KCTD1: variants seen among roughly 807,000 people sequenced by gnomAD.
KCTD1 encodes the protein BTB/POZ domain-containing protein KCTD1.
Under a neutral mutation model 66.0 loss-of-function variants are expected in KCTD1, and 24 were observed. The observed-to-expected ratio is 0.36, with a 90% CI of 0.26 to 0.51. KCTD1 has a LOEUF of 0.51. Among genes scored for constraint, KCTD1 ranks in the 20% least tolerant of loss-of-function variants. The pLI, the probability that KCTD1 is intolerant of heterozygous loss-of-function variation, is 0.95. For missense variants in KCTD1, 943 were observed against 1,205.2 expected (o/e 0.78, Z 3.22); for synonymous variants, 511 against 517.2 (o/e 0.99, Z 0.16).
At chr18:26,552,198 C>T (rs2144858834), upstream of KCTD1, among the ~76,000 whole-genome samples, 1 of 152,242 alleles carries the variant, frequency 6.6e-6, no homozygotes, top group African/African-American at 2.4e-5. Context: ...CCAAATGTTT[C>T]CCCCTCGATT....
At chr18:26,574,171 A>C (rs1394412674) in intron 1 of KCTD1, among the ~76,000 whole-genome samples, 2 of 152,224 alleles carry the variant, frequency 1.3e-5, no homozygotes, top group African/African-American at 4.8e-5. Context: ...AAAAAATAAA[A>C]CAGCTTTTTA....
At chr18:26,573,692 C>T (rs1986161213) in intron 1 of KCTD1, among the ~76,000 whole-genome samples, 1 of 152,104 alleles carries the variant, frequency 6.6e-6, no homozygotes. Flanking sequence ...AAAGTTCTGC[C>T]CAAAGCAAGG....
At chr18:26,574,312 T>A (rs1219328858) in intron 1 of KCTD1, among the ~76,000 whole-genome samples, 5 of 152,250 alleles carry the variant, frequency 3.3e-5, no homozygotes, top group African/African-American at 1.2e-4. Context: ...ATATTTGTTC[T>A]AAATATTAGC....
chr18:26,645,850 C>A (rs1396591414), intron 1 of KCTD1, among the ~76,000 whole-genome samples: 4 of 152,152 alleles, frequency 2.6e-5, no homozygotes, highest in African/African-American at 9.7e-5. Context: ...CACCCTAGAC[C>A]TATCTAATTG....
chr18:26,594,572 C>G (rs756578418), intron 1 of KCTD1, among the ~76,000 whole-genome samples: 2 of 152,142 alleles, frequency 1.3e-5, no homozygotes, highest in African/African-American at 2.4e-5. Flanking sequence ...AGCACAAATG[C>G]GTTGCAATCA....
intron 1 of KCTD1, among the ~76,000 whole-genome samples, chr18:26,634,278 T>C (rs1598977255): frequency 6.6e-6 from 1 of 152,164 alleles, no homozygotes. Flanking sequence ...AAGGAAAGAA[T>C]AGAGTTACAC....
chr18:26,545,682 C>A (rs1036003310), intron 1 of KCTD1: 4 of 151,948 alleles, frequency 2.6e-5, no homozygotes, highest in African/African-American at 9.7e-5. Flanking sequence ...GAATAGAACA[C>A]AGTGTCCAAA....
At chr18:26,635,262 A>C (rs1251253005) in intron 1 of KCTD1, among the ~76,000 whole-genome samples, 4 of 152,224 alleles carry the variant, frequency 2.6e-5, no homozygotes, top group Non-Finnish European at 5.9e-5. Flanking sequence ...TGCATCTCAA[A>C]GGCTGTTTTC....
intron 1 of KCTD1, among the ~76,000 whole-genome samples, chr18:26,599,113 G>A (rs1364591233): frequency 6.6e-6 from 1 of 152,094 alleles, no homozygotes; most frequent in African/African-American, 2.4e-5. Context: ...TCTTCTAAGA[G>A]TTTTACTATC....
chr18:26,643,022 C>T (rs1266293517), upstream of KCTD1, among the ~76,000 whole-genome samples: 1 of 152,088 alleles, frequency 6.6e-6, no homozygotes, highest in Non-Finnish European at 1.5e-5. Context: ...TTAGTGAGTT[C>T]AGGCTGCCAT....
At chr18:26,614,970 T>C (rs1987218102) in intron 1 of KCTD1, among the ~76,000 whole-genome samples, 1 of 152,246 alleles carries the variant, frequency 6.6e-6, no homozygotes. Context: ...CAGCTTGCCT[T>C]CATTTATGTT....
chr18:26,628,045 C>A (rs181084137), intron 1 of KCTD1, among the ~76,000 whole-genome samples: 3 of 152,292 alleles, frequency 2.0e-5, no homozygotes, highest in Non-Finnish European at 2.9e-5. Context: ...AAAATTATAA[C>A]CTTCCCTGGG....
At chr18:26,605,069 T>C (rs1986982023) in intron 1 of KCTD1, among the ~76,000 whole-genome samples, 1 of 151,820 alleles carries the variant, frequency 6.6e-6, no homozygotes, top group African/African-American at 2.4e-5. Flanking sequence ...GGCAATAGGG[T>C]AGAGAAGGAA....
chr18:26,487,878 G>T (rs1479770477), intron 2 of KCTD1, among the ~76,000 whole-genome samples: 1 of 152,144 alleles, frequency 6.6e-6, no homozygotes, highest in Admixed American at 6.5e-5. Flanking sequence ...AGAAATAAAA[G>T]TTTCCCAGCT....
intron 2 of KCTD1, among the ~76,000 whole-genome samples, chr18:26,497,455 G>A (rs1982537090): frequency 6.6e-6 from 1 of 152,116 alleles, no homozygotes; most frequent in African/African-American, 2.4e-5. Context: ...AATGTCCTTG[G>A]ATTTATCCAA....
chr18:26,616,700 A>AAAC lies in KCTD1; in HGVS notation c.-16+12446_-16+12447insGTT, dbSNP rs1555647345. Among the ~76,000 whole-genome samples the AAAC allele has an allele frequency of 1.9e-4, 28 of 150,716 alleles. No homozygotes were observed. In the South Asian group the frequency reaches 4.6e-3, roughly 25 times the overall value. The stretch of plus-strand genomic sequence containing the variant: ...ATGCCTGGCTAATTAAAAAAAAAAA[A>AAAC]ATTTGTAGAGACCAGGTCTGGTTAC... On this transcript the variant is annotated intron_variant, in intron 1 of 4. Coordinates refer to the KCTD1 transcript ENST00000317932.
In KCTD1 at chr18:26,629,071, T is replaced by C. The variant is rs187110887; in HGVS notation, c.-16+76A>G. The C allele has an allele frequency of 1.3e-5, 7 of 557,720 alleles. No homozygotes were observed. In the East Asian group the frequency reaches 1.0e-3, roughly 80 times the overall value. 34.5% of individuals were successfully genotyped at this position (557,720 alleles called of 1,614,324 possible). The stretch of plus-strand genomic sequence containing the variant: ...TCAAGATGATCAGGAAGTGCTGGAG[T>C]TGTCTTTCTGGCTTTGCAGATGGCA... On this transcript the variant is annotated intron_variant, in intron 1 of 4. Transcript: ENST00000317932.
chr18:26,509,121 G>A lies in KCTD1; in HGVS notation c.1810-7871C>T, dbSNP rs546662379. Among the ~76,000 whole-genome samples, 58 of 149,766 alleles carry A rather than the reference G, an allele frequency of 3.9e-4. No homozygotes were observed. In the South Asian group the frequency reaches 0.012, roughly 30 times the overall value. On this transcript the variant is annotated intron_variant, in intron 1 of 4. Transcript: ENST00000580059. The stretch of plus-strand genomic sequence containing the variant: ...AACTAAATAGCAGAATGAGCCTGAA[G>A]AGAAAGAAAATAATCTTTCTGGTAA...
intron 1 of KCTD1, among the ~76,000 whole-genome samples, chr18:26,611,342 T>C (rs2144993288): frequency 8.0e-6 from 1 of 125,372 alleles, no homozygotes; most frequent in Admixed American, 8.0e-5. Context: ...TTTTGTTTGT[T>C]TGTTTGTTTG....
Sources: gnomAD v4.1 joint callset for allele counts (sites outside exome capture counted in the v4.1 genomes callset) on GRCh38, gnomAD v4.1.1 for gene constraint, MANE v1.5 for transcripts, NCBI Gene and HGNC (gene_info 2026-07-23, HGNC 2026-07-21) for gene names.